PKNOX2: variants seen among roughly 807,000 people sequenced by gnomAD.
PKNOX2 encodes PBX/knotted 1 homeobox 2.
PKNOX2 carries 14 observed loss-of-function variants against 53.1 expected under a neutral mutation model. The observed-to-expected ratio is 0.26, with a 90% CI of 0.17 to 0.41. PKNOX2 has a LOEUF of 0.41. Among genes scored for constraint, PKNOX2 ranks in the 10% least tolerant of loss-of-function variants. The pLI is 1.00. For synonymous variants in PKNOX2, 257 were observed against 242.8 expected, an observed-to-expected ratio of 1.06 and a Z score of -0.54; for missense variants, 496 against 602.8, an observed-to-expected ratio of 0.82 and a Z score of 1.85.
rs145884608 is a variant in PKNOX2 at position 125,190,815 on chromosome 11, G to A, written c.-201+26039G>A. ...CGCTCTGTGACCAGCCCACCCCTCA[G>A]CACTCTCTCCTCCTCTGAACTCTTT... is the stretch of plus-strand genomic sequence containing the variant. On this transcript the variant is annotated intron_variant, in intron 1 of 12. Coordinates refer to ENST00000298282, the MANE Select transcript of PKNOX2 (RefSeq NM_001382323.2). Among the ~76,000 whole-genome samples the A allele has an allele frequency of 5.9e-3, 902 of 152,194 alleles. 6 individuals carry two copies. Among genetic ancestry groups the A allele is most frequent in the African/African-American group, 0.02 (825 of 41,528 alleles).
chr11:125,304,193 G>A (rs1386884437), intron 2 of PKNOX2, among the ~76,000 whole-genome samples: 1 of 152,180 alleles, frequency 6.6e-6, no homozygotes, highest in African/African-American at 2.4e-5. Context: ...TAGACACCTA[G>A]AAGAGGTGAT....
intron 1 of PKNOX2, among the ~76,000 whole-genome samples, chr11:125,226,960 C>A (rs1941749320): frequency 6.6e-6 from 1 of 152,014 alleles, no homozygotes; most frequent in South Asian, 2.1e-4. Flanking sequence ...CTCTCTCTGT[C>A]AGGCCTTGGC....
At chr11:125,379,634 CTCTCT>C (rs1953093023) in intron 5 of PKNOX2, among the ~76,000 whole-genome samples, 1 of 151,756 alleles carries the variant, frequency 6.6e-6, no homozygotes, top group Admixed American at 6.6e-5. Flanking sequence ...GGGTCTCAGC[CTCTCT>C]GTTACTAAGA....
chr11:125,241,918 T>A lies in PKNOX2; in HGVS notation c.-130+6803T>A, dbSNP rs546489107. Among the ~76,000 whole-genome samples, 4 of 152,166 alleles carry A rather than the reference T, an allele frequency of 2.6e-5. No individual in the cohort carries two copies. In the South Asian group the frequency reaches 8.3e-4, roughly 32 times the overall value. ...AGAGAGAAAGGATGAAGGATGAATG[T>A]ATGATTCAAGGTGAAGAGGGTGGAG... is the stretch of plus-strand genomic sequence containing the variant. On this transcript the variant is annotated intron_variant, in intron 2 of 12. Transcript: ENST00000298282.
chr11:125,177,850 A>T (rs961307010), intron 1 of PKNOX2, among the ~76,000 whole-genome samples: 1 of 152,184 alleles, frequency 6.6e-6, no homozygotes, highest in Non-Finnish European at 1.5e-5. Context: ...TCGCAGAAGC[A>T]GGGGAAGCAG....
chr11:125,212,472 T>TG (rs1939971132), intron 1 of PKNOX2, among the ~76,000 whole-genome samples: 1 of 104,910 alleles, frequency 9.5e-6, no homozygotes, highest in Non-Finnish European at 2.0e-5. Context: ...TTTTTTTTTT[T>TG]GAGACAGAGT....
At chr11:125,334,414 C>A (rs975122635) in intron 3 of PKNOX2, among the ~76,000 whole-genome samples, 7 of 152,020 alleles carry the variant, frequency 4.6e-5, no homozygotes, top group Non-Finnish European at 8.8e-5. Flanking sequence ...TTGTTTTATC[C>A]CCATTTAGGA....
intron 2 of PKNOX2, among the ~76,000 whole-genome samples, chr11:125,276,170 A>G (rs539712248): frequency 2.0e-5 from 3 of 152,332 alleles, no homozygotes; most frequent in Non-Finnish European, 4.4e-5. Flanking sequence ...TTGGCAAGAT[A>G]TGGTCCTTAG....
At chr11:125,174,824 G>A (rs180899574) in intron 1 of PKNOX2, among the ~76,000 whole-genome samples, 21 of 152,102 alleles carry the variant, frequency 1.4e-4, no homozygotes, top group Non-Finnish European at 2.1e-4. Flanking sequence ...AAATAGCGGT[G>A]GTGGAAGGAG....
intron 2 of PKNOX2, among the ~76,000 whole-genome samples, chr11:125,250,344 A>G (rs567427378): frequency 6.6e-6 from 1 of 152,346 alleles, no homozygotes; most frequent in Non-Finnish European, 1.5e-5. Flanking sequence ...AAAGAGAACA[A>G]GCAGTAGATC....
At chr11:125,248,449 A>G (rs557221954) in intron 2 of PKNOX2, among the ~76,000 whole-genome samples, 78 of 152,288 alleles carry the variant, frequency 5.1e-4, no homozygotes, top group Middle Eastern at 3.4e-3. Context: ...GGAATAAGAG[A>G]AGAAAATCTT....
chr11:125,354,073 C>G (rs1036708498), intron 4 of PKNOX2, among the ~76,000 whole-genome samples: 31 of 152,334 alleles, frequency 2.0e-4, no homozygotes, highest in Non-Finnish European at 3.7e-4. Flanking sequence ...CTTGTAGGAA[C>G]AGCTCTTCCG....
At chr11:125,276,797 GT>G (rs1271346955) in intron 2 of PKNOX2, among the ~76,000 whole-genome samples, 1 of 152,194 alleles carries the variant, frequency 6.6e-6, no homozygotes, top group Non-Finnish European at 1.5e-5. Context: ...TTGTGGTCAT[GT>G]TTGAAGTGAG....
intron 4 of PKNOX2, among the ~76,000 whole-genome samples, chr11:125,361,504 C>A (rs951460664): frequency 1.3e-5 from 2 of 152,286 alleles, no homozygotes; most frequent in South Asian, 2.1e-4. Context: ...CTGAAACCCA[C>A]GCTTCTGCTC....
intron 2 of PKNOX2, among the ~76,000 whole-genome samples, chr11:125,309,522 G>C (rs896897014): frequency 1.3e-5 from 2 of 151,784 alleles, no homozygotes; most frequent in Non-Finnish European, 2.9e-5. Flanking sequence ...TAAGTAGCTG[G>C]GATTAAGGCA....
At chr11:125,414,835 G>T (rs577194105) in intron 10 of PKNOX2, among the ~76,000 whole-genome samples, 4 of 152,156 alleles carry the variant, frequency 2.6e-5, no homozygotes, top group African/African-American at 9.6e-5. Flanking sequence ...CTAGCACATA[G>T]CACTTAAGAA....
At chr11:125,235,526 ATCTGGTTATT>A (rs1335244695) in intron 2 of PKNOX2, among the ~76,000 whole-genome samples, 5 of 152,212 alleles carry the variant, frequency 3.3e-5, no homozygotes, top group Non-Finnish European at 7.3e-5. Context: ...TTGCTTTTAC[ATCTGGTTATT>A]TCTGGGGAGG....
chr11:125,349,837 TCACACACACACA>T (rs60332384), intron 3 of PKNOX2, among the ~76,000 whole-genome samples: 20 of 138,126 alleles, frequency 1.4e-4, no homozygotes, highest in Admixed American at 3.6e-4. Context: ...ACCAAAAGAA[TCACACACACACA>T]CACACACACA....
chr11:125,332,497 T>G (rs936845887), intron 3 of PKNOX2: 1 of 152,198 alleles, frequency 6.6e-6, no homozygotes, highest in Non-Finnish European at 1.5e-5. Flanking sequence ...TTTAATCCTC[T>G]TATCTGATAG....
Sources: allele counts gnomAD v4.1 joint callset (sites outside exome capture counted in the v4.1 genomes callset), GRCh38; gene constraint gnomAD v4.1.1; transcripts MANE v1.5; gene names NCBI Gene and HGNC (gene_info 2026-07-23, HGNC 2026-07-21).